The following NLGN1 variants were observed in gnomAD, a reference collection of about 807,000 sequenced individuals.
The protein encoded by NLGN1 is neuroligin 1, also known as neuroligin-1.
In NLGN1, 12 loss-of-function variants were observed where a neutral mutation model predicts 65.5. That is an observed-to-expected ratio of 0.18 (90% CI 0.12 to 0.30). The LOEUF is 0.30. NLGN1 is among the 10% of genes least tolerant of loss of function. The pLI is 1.00. For missense variants in NLGN1, 750 were observed against 1,007.1 expected (o/e 0.74, Z 3.46); for synonymous variants, 350 against 359.5 (o/e 0.97, Z 0.30).
rs189106776 is a variant in NLGN1, at chr3:174,073,585, A to C, written c.647-201730A>C. ...TCTAAAAGTCTATATGTAGCAGTGA[A>C]GCCTGAAAGATCATTTTCAATGTTT... On this transcript the variant is annotated intron_variant, in intron 4 of 6. Transcript: ENST00000457714. Among the ~76,000 whole-genome samples the C allele has an allele frequency of 3.6e-3, 548 of 152,288 alleles. 3 individuals carry two copies. The highest frequency in any genetic ancestry group is 0.014 in the Middle Eastern group (4 of 294).
In NLGN1 at chr3:173,721,132, A is replaced by G. The variant is rs112443456; in HGVS notation, c.494-86548A>G. Among the ~76,000 whole-genome samples the G allele has an allele frequency of 1.3e-3, 205 of 152,348 alleles. 2 individuals carry two copies. The highest frequency in any genetic ancestry group is 4.5e-3 in the African/African-American group (189 of 41,594). Reference sequence around the variant, plus strand: ...TAAAAATTATTTTCCTTTTGAAAGAAGCTGCAAGCCTCAACAATGAAGCCA... The same window carrying G: ...TAAAAATTATTTTCCTTTTGAAAGAGGCTGCAAGCCTCAACAATGAAGCCA... On this transcript the variant is annotated intron_variant, in intron 3 of 6. Coordinates refer to ENST00000457714, the Ensembl canonical transcript of NLGN1.
intron 3 of NLGN1, among the ~76,000 whole-genome samples, chr3:173,660,709 T>A (rs569823099): frequency 6.6e-6 from 1 of 152,046 alleles, no homozygotes; most frequent in Non-Finnish European, 1.5e-5. Flanking sequence ...ACTGTTAAAA[T>A]GCTCAAATTC....
chr3:173,444,539 G>T, intron 2 of NLGN1, among the ~76,000 whole-genome samples: 1 of 151,978 alleles, frequency 6.6e-6, no homozygotes, highest in East Asian at 1.9e-4. Context: ...ACAAATGTGT[G>T]GATTTTGGTC....
At chr3:173,917,841 T>TTGTG (rs145802137) in intron 4 of NLGN1, among the ~76,000 whole-genome samples, 1,806 of 146,478 alleles carry the variant, frequency 0.012, 29 homozygotes, top group African/African-American at 0.042. Context: ...CAAAGCAACA[T>TTGTG]TGTGTGTGTG....
At chr3:173,565,919 A>G (rs567857254) in intron 2 of NLGN1, among the ~76,000 whole-genome samples, 26 of 152,334 alleles carry the variant, frequency 1.7e-4, no homozygotes, top group Admixed American at 2.6e-4. Flanking sequence ...CTGTTTAGGT[A>G]TATGAAAATT....
At chr3:173,772,509 T>C (rs910348917) in intron 3 of NLGN1, among the ~76,000 whole-genome samples, 6 of 151,974 alleles carry the variant, frequency 3.9e-5, no homozygotes, top group African/African-American at 1.2e-4. Context: ...TCCCAGGTAC[T>C]TGGGAGGCTG....
intron 4 of NLGN1, among the ~76,000 whole-genome samples, chr3:174,188,869 A>T (rs1269040205): frequency 2.0e-5 from 3 of 151,984 alleles, no homozygotes; most frequent in Non-Finnish European, 4.4e-5. Context: ...ACCCAAATTT[A>T]TTTAAGAGGC....
At chr3:173,947,292 G>A (rs1042050979) in intron 4 of NLGN1, among the ~76,000 whole-genome samples, 1 of 151,964 alleles carries the variant, frequency 6.6e-6, no homozygotes, top group South Asian at 2.1e-4. Flanking sequence ...AAAGTGCTGG[G>A]ATTACAGGTG....
chr3:173,872,926 A>G (rs1428061369), intron 4 of NLGN1, among the ~76,000 whole-genome samples: 1 of 151,932 alleles, frequency 6.6e-6, no homozygotes, highest in Non-Finnish European at 1.5e-5. Flanking sequence ...GGGATATAGG[A>G]CAAGCAGATG....
intron 4 of NLGN1, among the ~76,000 whole-genome samples, chr3:174,108,190 A>C (rs1714385782): frequency 6.6e-6 from 1 of 151,926 alleles, no homozygotes; most frequent in Non-Finnish European, 1.5e-5. Flanking sequence ...TTGTACCTTT[A>C]GTAGTATGTC....
intron 4 of NLGN1, among the ~76,000 whole-genome samples, chr3:173,887,498 G>C (rs1399964176): frequency 3.3e-5 from 5 of 151,830 alleles, no homozygotes; most frequent in Non-Finnish European, 4.4e-5. Flanking sequence ...AGAGGTCTTG[G>C]AAAATGTTAT....
chr3:174,128,193 C>T (rs914356432), intron 4 of NLGN1, among the ~76,000 whole-genome samples: 1 of 152,194 alleles, frequency 6.6e-6, no homozygotes, highest in East Asian at 1.9e-4. Flanking sequence ...TCCCCTAAAA[C>T]AAAAGGTCTT....
At chr3:174,175,668 A>G (rs989638047) in intron 4 of NLGN1, among the ~76,000 whole-genome samples, 1 of 151,950 alleles carries the variant, frequency 6.6e-6, no homozygotes, top group African/African-American at 2.4e-5. Context: ...GTGCTATAGC[A>G]TTTATAAAGT....
rs58259915 is a variant in NLGN1 at position 173,573,974 on chromosome 3, A to T, written c.-320-30305A>T. On this transcript the variant is annotated intron_variant, in intron 2 of 6. Coordinates refer to ENST00000457714, the Ensembl canonical transcript of NLGN1. Reference sequence around the variant, plus strand: ...GCTACTCAGGAAGCTGAGGCAGGAGAATGGCGTGAACCCAGGAGGCGGAGC... The same window carrying T: ...GCTACTCAGGAAGCTGAGGCAGGAGTATGGCGTGAACCCAGGAGGCGGAGC... Among the ~76,000 whole-genome samples the T allele has an allele frequency of 1.5e-3, 223 of 150,866 alleles. No individual in the cohort carries two copies. The East Asian group carries it at 0.029, about 20-fold the overall frequency.
chr3:173,664,823 G>A (rs1761471965), intron 3 of NLGN1, among the ~76,000 whole-genome samples: 1 of 151,868 alleles, frequency 6.6e-6, no homozygotes, highest in Admixed American at 6.6e-5. Flanking sequence ...TCTCAAGTTC[G>A]GTGCTCTTTT....
rs780820148 is a variant in NLGN1 at position 174,078,996 on chromosome 3, GT to G, written c.647-196318del. On this transcript the variant is annotated intron_variant, in intron 4 of 6. Coordinates refer to ENST00000457714, the Ensembl canonical transcript of NLGN1. ...GTGACACAAGTACCGTAATACAACGGTGTGTGTGTGTGTGTGTATGTAAATG... is the reference window on the plus strand; with the variant it reads ...GTGACACAAGTACCGTAATACAACGGGTGTGTGTGTGTGTGTATGTAAATG... 5.5e-3 allele frequency among the ~76,000 whole-genome samples: 801 copies of G among 146,020 alleles called. 6 individuals are homozygous for G. Among genetic ancestry groups the G allele is most frequent in the Middle Eastern group, 0.052 (15 of 290 alleles).
intron 1 of NLGN1, among the ~76,000 whole-genome samples, chr3:173,403,832 T>C (rs1215317453): frequency 2.0e-5 from 3 of 152,164 alleles, no homozygotes; most frequent in Non-Finnish European, 4.4e-5. Context: ...AATGATGTAA[T>C]GAATACATGC....
intron 4 of NLGN1, among the ~76,000 whole-genome samples, chr3:174,034,456 G>T (rs1053074891): frequency 6.6e-6 from 1 of 151,870 alleles, no homozygotes; most frequent in Non-Finnish European, 1.5e-5. Flanking sequence ...TGACCTAAAA[G>T]ATAACTATTA....
intron 3 of NLGN1, among the ~76,000 whole-genome samples, chr3:173,803,300 CTAA>C (rs1172022623): frequency 1.3e-5 from 2 of 151,962 alleles, no homozygotes; most frequent in Non-Finnish European, 2.9e-5. Flanking sequence ...TTTAATGGTG[CTAA>C]TAATGCCTTC....
Sources: gnomAD v4.1 joint callset for allele counts (sites outside exome capture counted in the v4.1 genomes callset) on GRCh38, gnomAD v4.1.1 for gene constraint, MANE v1.5 for transcripts, NCBI Gene and HGNC (gene_info 2026-07-23, HGNC 2026-07-21) for gene names.